Variants in MANBA observed in about 807,000 individuals in gnomAD.
MANBA encodes beta-mannosidase.
Under a neutral mutation model 111.1 loss-of-function variants are expected in MANBA, and 83 were observed. That is an observed-to-expected ratio of 0.75 (90% CI 0.63 to 0.90). The LOEUF is 0.90. MANBA is among the 40% of genes least tolerant of loss of function. The pLI, the probability that MANBA is intolerant of heterozygous loss-of-function variation, is 0.00. For missense variants in MANBA, 1,036 were observed against 1,069.0 expected, an observed-to-expected ratio of 0.97 and a Z score of 0.43; for synonymous variants, 370 against 378.7, an observed-to-expected ratio of 0.98 and a Z score of 0.27.
intron 7 of MANBA, among the ~76,000 whole-genome samples, chr4:102,679,873 T>TG (rs1252183615): frequency 6.6e-6 from 1 of 152,144 alleles, no homozygotes; most frequent in African/African-American, 2.4e-5. Flanking sequence ...GTCATATCCA[T>TG]GCCTTTGTTC....
intron 10 of MANBA, 145 bp downstream of exon 10, chr4:102,668,818 A>G (rs752207941): frequency 5.8e-6 from 4 of 687,774 alleles, no homozygotes; most frequent in African/African-American, 5.3e-5. Flanking sequence ...ACTGGGTACA[A>G]TCACCTAGGA....
At position 102,631,376 on chromosome 4, in the gene MANBA, C is replaced by T. The variant is rs145162900; in HGVS notation, c.*681G>A. 768 of 174,312 alleles carry T rather than the reference C, an allele frequency of 4.4e-3. 8 individuals carry two copies. Among genetic ancestry groups the T allele is most frequent in the African/African-American group, 0.017 (724 of 42,428 alleles). 10.8% of individuals were successfully genotyped at this position (174,312 alleles called of 1,614,324 possible). ...TCTTAGTTTAGATTCTTCAAACTCT[C>T]CCAGTTTACCAAGCAGAATAATAAC... On this transcript the variant is annotated 3_prime_UTR_variant, in exon 17 of 17. Transcript: ENST00000647097.
At chr4:102,671,938 C>G (rs1156527363) in intron 8 of MANBA, 1 of 406,694 alleles carries the variant, frequency 2.5e-6, no homozygotes, top group Non-Finnish European at 4.3e-6. Context: ...CAGAACAGTG[C>G]TCAAACCAAG....
At chr4:102,633,575 A>G (rs539710458) in intron 16 of MANBA, 8 of 397,206 alleles carry the variant, frequency 2.0e-5, no homozygotes, top group Non-Finnish European at 3.5e-5. Flanking sequence ...ATTAACTAAC[A>G]GTATTATTAC....
At chr4:102,750,635 A>G (rs1341232100) in intron 1 of MANBA, among the ~76,000 whole-genome samples, 3 of 152,224 alleles carry the variant, frequency 2.0e-5, no homozygotes, top group Admixed American at 6.5e-5. Context: ...TAAGGGCGCC[A>G]GGAGCAGCGG....
At chr4:102,711,171 T>A (rs904404769) in intron 5 of MANBA, among the ~76,000 whole-genome samples, 2 of 152,192 alleles carry the variant, frequency 1.3e-5, no homozygotes, top group Non-Finnish European at 2.9e-5. Context: ...TTCAACAGAA[T>A]GTAGAGACAA....
Position 102,631,525 on chromosome 4 carries a change from A to G in MANBA, c.*532T>C. On this transcript the variant is annotated 3_prime_UTR_variant, in exon 17 of 17. Transcript: ENST00000647097. ...TGTAATTTATATAACTTTTATTTTT[A>G]TATAATTTCACATGTACAGAAAAAT... 5.1e-6 allele frequency: 2 copies of G among 393,052 alleles called. No individual in the cohort carries two copies. The highest frequency in any genetic ancestry group is 7.3e-5 in the East Asian group (2 of 27,496). 24.3% of individuals were successfully genotyped at this position (393,052 alleles called of 1,614,324 possible). A position where few individuals can be genotyped will look rare whatever the true frequency, so the allele number is the denominator to read the frequency against.
Position 102,730,569 on chromosome 4 carries a change from G to A in MANBA, c.178-3886C>T, listed in dbSNP as rs142409436. The A allele has an allele frequency of 6.7e-3, 3,582 of 537,386 alleles. 30 individuals are homozygous for A. Among genetic ancestry groups the A allele is most frequent in the African/African-American group, 0.022 (1,138 of 52,138 alleles). 33.3% of individuals were successfully genotyped at this position (537,386 alleles called of 1,614,324 possible). A position where few individuals can be genotyped will look rare whatever the true frequency, so the allele number is the denominator to read the frequency against. ...AATAAGGCAAGACGTAATTTAGTGC[G>A]TCATTGATGTCTAGCTGCTCACTCC... is the stretch of plus-strand genomic sequence containing the variant. On this transcript the variant is annotated intron_variant, in intron 1 of 16. Transcript: ENST00000647097.
intron 5 of MANBA, among the ~76,000 whole-genome samples, chr4:102,697,963 C>T (rs1732811009): frequency 6.6e-6 from 1 of 151,732 alleles, no homozygotes; most frequent in South Asian, 2.1e-4. Context: ...AACTAGTTTA[C>T]AGTCCCACCA....
chr4:102,727,462 A>G (rs1722853837), intron 1 of MANBA: 1 of 1,473,830 alleles, frequency 6.8e-7, no homozygotes, highest in Non-Finnish European at 9.5e-7. Flanking sequence ...AGAGCACTCC[A>G]TCTTCAAGGT....
chr4:102,648,945 A>C (rs1366740335), intron 13 of MANBA, among the ~76,000 whole-genome samples: 1 of 152,022 alleles, frequency 6.6e-6, no homozygotes, highest in Non-Finnish European at 1.5e-5. Flanking sequence ...TTTTTTTCTA[A>C]TATGTACTTT....
intron 7 of MANBA, among the ~76,000 whole-genome samples, chr4:102,678,262 A>G (rs1336207526): frequency 6.6e-6 from 1 of 152,176 alleles, no homozygotes; most frequent in Non-Finnish European, 1.5e-5. Flanking sequence ...AGTGCCTCAG[A>G]GGTGAAGTAG....
In MANBA at chr4:102,722,933, C is replaced by G; in HGVS notation, c.487G>C (p.Val163Leu). ...ACAAGTGGAGGGCAGTCTGGGGGAA[C>G]CTGGTAGCGAGTGTGAGCTTTGCTC... ...QQSKAHTRYQ[V>L]PPDCPPLVQK... Residue 163 changes from valine to leucine, a missense_variant, in exon 4 of 17, where the codon GTT becomes CTT. Val to Leu is a conservative substitution (Grantham distance 32). Coordinates refer to ENST00000647097, the MANE Select transcript of MANBA (RefSeq NM_005908.4). 6.2e-7 allele frequency: 1 copy of G among 1,614,136 alleles called. No homozygotes were observed. The highest frequency in any genetic ancestry group is 8.5e-7 in the Non-Finnish European group (1 of 1,179,996).
chr4:102,759,197 T>C (rs1560819563), intron 1 of MANBA, among the ~76,000 whole-genome samples: 1 of 151,730 alleles, frequency 6.6e-6, no homozygotes, highest in African/African-American at 2.4e-5. Flanking sequence ...CTTGAACTCT[T>C]GGCCTCAAGA....
intron 11 of MANBA, 108 bp from the exon 12 acceptor site, chr4:102,658,008 G>T: frequency 1.2e-6 from 1 of 826,508 alleles, no homozygotes; most frequent in Non-Finnish European, 2.0e-6. Flanking sequence ...CCAAGTAGCT[G>T]ATAGAAAATT....
intron 14 of MANBA, 145 bp downstream of exon 14, chr4:102,639,568 T>C (rs1047623522): frequency 2.7e-5 from 30 of 1,098,120 alleles, no homozygotes; most frequent in Non-Finnish European, 3.7e-5. Flanking sequence ...GTGGCTGTAG[T>C]TCCTAGGCAG....
rs1241798907 is a variant in MANBA, at chr4:102,730,617, A to G, written c.178-3934T>C. Reference sequence around the variant, plus strand: ...TCCCAAAGCCTGACAAGTTGATGCCATTGCTGTCTGAGGCCGCCTCCAGCT... The same window carrying G: ...TCCCAAAGCCTGACAAGTTGATGCCGTTGCTGTCTGAGGCCGCCTCCAGCT... On this transcript the variant is annotated intron_variant, in intron 1 of 16. Coordinates refer to ENST00000647097, the MANE Select transcript of MANBA (RefSeq NM_005908.4). 3 of 541,826 alleles carry G rather than the reference A, an allele frequency of 5.5e-6. No homozygotes were observed. The Admixed American group carries it at 5.8e-5, about 10-fold the overall frequency. 33.6% of individuals were successfully genotyped at this position (541,826 alleles called of 1,614,324 possible). A position where few individuals can be genotyped will look rare whatever the true frequency, so the allele number is the denominator to read the frequency against.
At chr4:102,685,567 C>T (rs1013269924) in intron 7 of MANBA, among the ~76,000 whole-genome samples, 1 of 152,100 alleles carries the variant, frequency 6.6e-6, no homozygotes, top group Non-Finnish European at 1.5e-5. Flanking sequence ...TTATCTCCTA[C>T]CTCCCAGAGA....
intron 14 of MANBA, among the ~76,000 whole-genome samples, chr4:102,636,274 T>A (rs1221419241): frequency 1.3e-5 from 2 of 152,186 alleles, no homozygotes. Flanking sequence ...CATTGTGTGA[T>A]CATAGAGTGT....
Sources: allele counts gnomAD v4.1 joint callset (sites outside exome capture counted in the v4.1 genomes callset), GRCh38; gene constraint gnomAD v4.1.1; transcripts MANE v1.5; gene names NCBI Gene and HGNC (gene_info 2026-07-23, HGNC 2026-07-21).